GRID2: variants seen among roughly 807,000 people sequenced by gnomAD.
GRID2 encodes the protein glutamate ionotropic receptor delta type subunit 2.
A neutral mutation model predicts 114.8 loss-of-function variants in GRID2; 33 were observed. The ratio of observed to expected loss-of-function variants is 0.29; its 90% CI spans 0.22 to 0.38. The LOEUF is 0.38. Among genes scored for constraint, GRID2 ranks in the 10% least tolerant of loss-of-function variants. The pLI is 1.00. For missense variants in GRID2, 1,184 were observed against 1,257.7 expected (o/e 0.94, Z 0.89); for synonymous variants, 505 against 449.9 (o/e 1.12, Z -1.55).
At chr4:92,611,477 T>C (rs1321218528) in intron 2 of GRID2, among the ~76,000 whole-genome samples, 2 of 151,540 alleles carry the variant, frequency 1.3e-5, no homozygotes, top group African/African-American at 4.8e-5. Flanking sequence ...AATTACCTCC[T>C]TAGAGGCCCT....
At chr4:92,591,198 G>A (rs1230826540) in intron 2 of GRID2, among the ~76,000 whole-genome samples, 15 of 152,144 alleles carry the variant, frequency 9.9e-5, no homozygotes, top group Admixed American at 9.8e-4. Context: ...CAGGCCCAAG[G>A]GAACTTGCCT....
intron 1 of GRID2, among the ~76,000 whole-genome samples, chr4:92,561,845 C>T (rs956497786): frequency 3.3e-5 from 5 of 152,122 alleles, no homozygotes; most frequent in Middle Eastern, 3.2e-3. Flanking sequence ...AGTTATTCCT[C>T]ATGCTGAAAC....
At chr4:93,233,590 G>T (rs1746410839) in intron 7 of GRID2, among the ~76,000 whole-genome samples, 1 of 152,000 alleles carries the variant, frequency 6.6e-6, no homozygotes, top group Admixed American at 6.6e-5. Context: ...TGATCCATCT[G>T]TCTTGGCCTT....
chr4:92,621,522 A>C (rs1477785047), intron 2 of GRID2, among the ~76,000 whole-genome samples: 1 of 151,726 alleles, frequency 6.6e-6, no homozygotes, highest in Non-Finnish European at 1.5e-5. Flanking sequence ...TCCATAGATG[A>C]ATAGTTGGTG....
chr4:93,171,950 T>C (rs932422182), intron 4 of GRID2, among the ~76,000 whole-genome samples: 3 of 152,300 alleles, frequency 2.0e-5, no homozygotes, highest in Non-Finnish European at 2.9e-5. Flanking sequence ...TAAAGCCAAC[T>C]TGTTAATTGG....
intron 2 of GRID2, among the ~76,000 whole-genome samples, chr4:92,832,634 T>A (rs1742195736): frequency 1.3e-5 from 2 of 152,166 alleles, no homozygotes; most frequent in African/African-American, 4.8e-5. Context: ...CCTCAGGTGA[T>A]CCACCCACCT....
chr4:93,558,525 A>T (rs1486045340), intron 13 of GRID2, among the ~76,000 whole-genome samples: 1 of 152,212 alleles, frequency 6.6e-6, no homozygotes, highest in African/African-American at 2.4e-5. Context: ...CCCTCCCAAG[A>T]CTAAATCAGG....
intron 9 of GRID2, among the ~76,000 whole-genome samples, chr4:93,399,297 C>T (rs1485695944): frequency 6.6e-6 from 1 of 152,048 alleles, no homozygotes; most frequent in Non-Finnish European, 1.5e-5. Context: ...TTATCAATTA[C>T]ACCAGGTTAA....
At chr4:92,363,574 C>T (rs1046907415) in intron 1 of GRID2, among the ~76,000 whole-genome samples, 19 of 151,996 alleles carry the variant, frequency 1.3e-4, no homozygotes, top group Non-Finnish European at 2.2e-4. Context: ...ATTTATAACA[C>T]ACAATTTACG....
intron 14 of GRID2, among the ~76,000 whole-genome samples, chr4:93,662,268 C>T (rs1262279753): frequency 6.6e-6 from 1 of 152,112 alleles, no homozygotes; most frequent in Non-Finnish European, 1.5e-5. Flanking sequence ...AACTCTGGTT[C>T]TCTTCATCCC....
chr4:92,661,436 C>T (rs1305762338), intron 2 of GRID2, among the ~76,000 whole-genome samples: 1 of 150,672 alleles, frequency 6.6e-6, no homozygotes, highest in Non-Finnish European at 1.5e-5. Flanking sequence ...ACAGCTTTAC[C>T]ATAAGTTTTA....
At chr4:93,231,260 A>G (rs1291904522) in intron 7 of GRID2, among the ~76,000 whole-genome samples, 2 of 151,950 alleles carry the variant, frequency 1.3e-5, no homozygotes, top group Admixed American at 6.6e-5. Context: ...AATATTTTTA[A>G]TACTGAAACA....
chr4:92,748,805 G>A (rs1737287327), intron 2 of GRID2, among the ~76,000 whole-genome samples: 1 of 150,782 alleles, frequency 6.6e-6, no homozygotes. Context: ...GGGATTACAG[G>A]CACACACCAC....
chr4:92,695,542 C>CT (rs1734387790), intron 2 of GRID2, among the ~76,000 whole-genome samples: 1 of 151,314 alleles, frequency 6.6e-6, no homozygotes, highest in African/African-American at 2.4e-5. Flanking sequence ...TAACTTAACT[C>CT]AATGAACTAG....
At chr4:92,796,465 G>A (rs1458750953) in intron 2 of GRID2, among the ~76,000 whole-genome samples, 3 of 151,820 alleles carry the variant, frequency 2.0e-5, no homozygotes, top group African/African-American at 7.3e-5. Flanking sequence ...TTCAAGGCTT[G>A]GGGATTAGTA....
chr4:92,588,658 A>G (rs147232071), intron 1 of GRID2, among the ~76,000 whole-genome samples: 3,753 of 137,360 alleles, frequency 0.027, 171 homozygotes, highest in African/African-American at 0.097. Flanking sequence ...CAGCCTGGGC[A>G]ACAGAGTGAG....
chr4:92,385,470 G>T (rs1054066634), intron 1 of GRID2, among the ~76,000 whole-genome samples: 1 of 151,620 alleles, frequency 6.6e-6, no homozygotes, highest in African/African-American at 2.4e-5. Flanking sequence ...ATAGTCTAAG[G>T]TAAGGAAATC....
intron 11 of GRID2, among the ~76,000 whole-genome samples, chr4:93,466,204 G>A (rs1381544948): frequency 6.6e-6 from 1 of 152,194 alleles, no homozygotes; most frequent in East Asian, 1.9e-4. Context: ...ACTGATGGCA[G>A]TCTGAAACCA....
intron 11 of GRID2, among the ~76,000 whole-genome samples, chr4:93,457,070 A>G (rs1341966569): frequency 6.6e-6 from 1 of 152,196 alleles, no homozygotes; most frequent in Non-Finnish European, 1.5e-5. Context: ...CAATTAGTGT[A>G]TGATGGTGAG....
Sources: allele counts gnomAD v4.1 joint callset (sites outside exome capture counted in the v4.1 genomes callset), GRCh38; gene constraint gnomAD v4.1.1; transcripts MANE v1.5; gene names NCBI Gene and HGNC (gene_info 2026-07-23, HGNC 2026-07-21).